Variants in ZNF43 observed in about 807,000 individuals in gnomAD.
ZNF43 encodes the protein zinc finger protein 43.
ZNF43 carries 44 observed loss-of-function variants against 68.4 expected under a neutral mutation model. The ratio of observed to expected loss-of-function variants is 0.64; its 90% confidence interval spans 0.51 to 0.83. The LOEUF is 0.83. Among genes scored for constraint, ZNF43 ranks in the 40% least tolerant of loss-of-function variants. The pLI is 0.00. For synonymous variants in ZNF43, 308 were observed against 307.8 expected, an observed-to-expected ratio of 1.00 and a Z score of -0.01; for missense variants, 896 against 933.2, an observed-to-expected ratio of 0.96 and a Z score of 0.52.
chr19:21,843,817 C>T (rs140767721), intron 1 of ZNF43, among the ~76,000 whole-genome samples: 1 of 152,240 alleles, frequency 6.6e-6, no homozygotes, highest in Admixed American at 6.5e-5. Flanking sequence ...CACAGGTGTG[C>T]TGAATCTTGA....
At chr19:21,847,436 C>T (rs903101815) in intron 1 of ZNF43, among the ~76,000 whole-genome samples, 2 of 152,146 alleles carry the variant, frequency 1.3e-5, no homozygotes, top group Admixed American at 1.3e-4. Flanking sequence ...GTGGCTCACA[C>T]CTATAATCCC....
At position 21,808,182 on chromosome 19, in the gene ZNF43, C is replaced by T; in HGVS notation, c.1855G>A (p.Gly619Arg). 6.2e-7 allele frequency: 1 copy of T among 1,612,136 alleles called. No individual in the cohort carries two copies. The highest frequency in any genetic ancestry group is 8.5e-7 in the Non-Finnish European group (1 of 1,179,456). ...CATTCTTCACATTTGTAGGGTTTTC[C>T]TCCAGTATGAATTTTTTTATGTGTA... is the stretch of plus-strand genomic sequence containing the variant. Reference protein sequence around the residue: ...LTTHKKIHTGGKPYKCEECGK... With the variant: ...LTTHKKIHTGRKPYKCEECGK... Residue 619 changes from glycine to arginine, a missense_variant, in exon 4 of 4, where the codon GGA (glycine) becomes AGA (arginine). Physicochemically the swap from Gly to Arg is moderately radical, Grantham distance 125. Transcript: ENST00000354959.
intron 1 of ZNF43, among the ~76,000 whole-genome samples, chr19:21,831,234 T>C (rs1318669875): frequency 1.3e-5 from 2 of 152,104 alleles, no homozygotes; most frequent in South Asian, 2.1e-4. Flanking sequence ...CAACATAGCA[T>C]TGGAAATACT....
chr19:21,815,103 G>A (rs1405284202), intron 3 of ZNF43, among the ~76,000 whole-genome samples: 3 of 151,736 alleles, frequency 2.0e-5, no homozygotes, highest in African/African-American at 7.3e-5. Flanking sequence ...CAGGAGAATC[G>A]CTGGAACCTG....
At chr19:21,850,293 T>G (rs757490705) in intron 1 of ZNF43, among the ~76,000 whole-genome samples, 17 of 144,850 alleles carry the variant, frequency 1.2e-4, no homozygotes, top group African/African-American at 3.6e-4. Flanking sequence ...CCAGACACGG[T>G]GGGTCACACC....
chr19:21,828,365 G>A (rs2434999), intron 1 of ZNF43, among the ~76,000 whole-genome samples: 2,578 of 152,038 alleles, frequency 0.017, 82 homozygotes, highest in African/African-American at 0.059. Flanking sequence ...ATACCACAAG[G>A]TCAGGAGATT....
Position 21,807,802 on chromosome 19 carries a change from A to G in ZNF43, c.2235T>C (p.Tyr745=), listed in dbSNP as rs747528768. 14 of 1,612,392 alleles carry G rather than the reference A, an allele frequency of 8.7e-6. No individual in the cohort carries two copies. In the South Asian group the frequency reaches 1.4e-4, roughly 16 times the overall value. Residue 745 remains tyrosine, a synonymous_variant, in exon 4 of 4, where the codon TAT becomes TAC. Transcript: ENST00000354959. ...KCEECGKAFN[Y]SSHLNTHKRI... ...TCTTATGTGTATTAAGGTGTGAGGAATAGTTAAATGCTTTGCCACATTCTT... is the reference window on the plus strand; with the variant it reads ...TCTTATGTGTATTAAGGTGTGAGGAGTAGTTAAATGCTTTGCCACATTCTT...
upstream of ZNF43, chr19:21,839,797 G>C (rs1967388544): frequency 6.6e-6 from 1 of 152,226 alleles, no homozygotes; most frequent in Non-Finnish European, 1.5e-5. Flanking sequence ...TCAGGCAGGA[G>C]GCTCACATTA....
Position 21,810,330 on chromosome 19 carries a change from G to A in ZNF43, c.230-523C>T, listed in dbSNP as rs142233751. Among the ~76,000 whole-genome samples the A allele has an allele frequency of 3.0e-3, 455 of 152,322 alleles. 3 individuals carry two copies. Among genetic ancestry groups the A allele is most frequent in the African/African-American group, 0.011 (437 of 41,582 alleles). ...TGTCACATGGTAATAGGGAAAGTGT[G>A]AGGTGAAGGAGCCAGGTTCTTTTAA... is the stretch of plus-strand genomic sequence containing the variant. On this transcript the variant is annotated intron_variant, in intron 3 of 3. Transcript: ENST00000354959.
chr19:21,830,072 G>A (rs1482798189), intron 1 of ZNF43, among the ~76,000 whole-genome samples: 1 of 152,012 alleles, frequency 6.6e-6, no homozygotes, highest in Non-Finnish European at 1.5e-5. Flanking sequence ...GCAAAATAGT[G>A]AAACCCGGTC....
intron 1 of ZNF43, among the ~76,000 whole-genome samples, chr19:21,820,096 G>C (rs1450127504): frequency 6.6e-6 from 1 of 151,444 alleles, no homozygotes; most frequent in Non-Finnish European, 1.5e-5. Flanking sequence ...TTACTCAAGG[G>C]GCTGAGGCAA....
chr19:21,819,312 G>A, intron 1 of ZNF43, 91 bp from the exon 2 acceptor site: 1 of 1,426,280 alleles, frequency 7.0e-7, no homozygotes, highest in Non-Finnish European at 9.4e-7. Context: ...TAAAATGAGA[G>A]AGTAAAGAGA....
At chr19:21,811,521 C>T (rs1008927704) in intron 3 of ZNF43, among the ~76,000 whole-genome samples, 28 of 145,854 alleles carry the variant, frequency 1.9e-4, no homozygotes, top group African/African-American at 6.4e-4. Flanking sequence ...GGCAACAGAG[C>T]GAGACTCTGT....
rs563055401 is a variant in ZNF43, at chr19:21,826,141, TAC to T, written c.4-6922_4-6921del. On this transcript the variant is annotated intron_variant, in intron 1 of 3. Coordinates refer to ENST00000354959, the MANE Select transcript of ZNF43 (RefSeq NM_003423.4). ...TTTGTCTATCCTTTCTAGAAGCGAC[TAC>T]AGTTAATTACATATACCAAATAGGC... Among the ~76,000 whole-genome samples, 449 of 152,330 alleles carry T rather than the reference TAC, an allele frequency of 2.9e-3. 4 individuals carry two copies. The highest frequency in any genetic ancestry group is 0.01 in the African/African-American group (416 of 41,578).
At chr19:21,826,837 C>CAA (rs369753882) in intron 1 of ZNF43, 10 of 133,212 alleles carry the variant, frequency 7.5e-5, no homozygotes, top group Non-Finnish European at 8.1e-5. Flanking sequence ...TCTTTGTCTC[C>CAA]AAAAAAAAAA....
At chr19:21,812,189 C>T (rs999676264) in intron 3 of ZNF43, 20 of 357,544 alleles carry the variant, frequency 5.6e-5, no homozygotes, top group East Asian at 5.0e-4. Context: ...TGCAGCGGGG[C>T]GTTCTCAGCT....
rs145653783 is a variant in ZNF43, at chr19:21,825,826, G to C, written c.4-6605C>G. Among the ~76,000 whole-genome samples, 198 of 152,294 alleles carry C rather than the reference G, an allele frequency of 1.3e-3. 1 individual carries two copies. Among genetic ancestry groups the C allele is most frequent in the Non-Finnish European group, 2.2e-3 (153 of 68,024 alleles). The stretch of plus-strand genomic sequence containing the variant: ...CCAGCACTGTGGGAGGCCAAGGCAG[G>C]TGGATCAGGAGGTCAAGAGATCAAG... On this transcript the variant is annotated intron_variant, in intron 1 of 3. Transcript: ENST00000354959.
At chr19:21,820,134 G>A (rs569630581) in intron 1 of ZNF43, among the ~76,000 whole-genome samples, 1 of 129,046 alleles carries the variant, frequency 7.7e-6, no homozygotes, top group South Asian at 2.3e-4. Flanking sequence ...GAGAGGTGGA[G>A]GTTGCAGTGA....
At chr19:21,830,555 G>GA (rs562293163) in intron 1 of ZNF43, among the ~76,000 whole-genome samples, 1,709 of 101,882 alleles carry the variant, frequency 0.017, 23 homozygotes, top group African/African-American at 0.042. Context: ...TCCAAAGACT[G>GA]AAAAAAAAAA....
Sources: allele counts gnomAD v4.1 joint callset (sites outside exome capture counted in the v4.1 genomes callset), GRCh38; gene constraint gnomAD v4.1.1; transcripts MANE v1.5; gene names NCBI Gene and HGNC (gene_info 2026-07-23, HGNC 2026-07-21).